Variants in TMEM117 observed in about 807,000 individuals in gnomAD.
The protein encoded by TMEM117 is transmembrane protein 117.
A neutral mutation model predicts 52.4 loss-of-function variants in TMEM117; 27 were observed. The observed-to-expected ratio is 0.51, with a 90% CI of 0.38 to 0.71. The LOEUF (loss-of-function observed/expected upper bound fraction) is 0.71, where lower values mean the gene tolerates loss of function less well. TMEM117 is among the 30% of genes least tolerant of loss of function. The pLI is 0.00. For missense variants in TMEM117, 556 were observed against 630.5 expected, an observed-to-expected ratio of 0.88 and a Z score of 1.26; for synonymous variants, 215 against 206.3, an observed-to-expected ratio of 1.04 and a Z score of -0.36.
chr12:44,355,576 A>G (rs1592714676), intron 6 of TMEM117, among the ~76,000 whole-genome samples: 2 of 152,044 alleles, frequency 1.3e-5, no homozygotes, highest in East Asian at 3.9e-4. Flanking sequence ...GACATAGAGA[A>G]GCTTGATATA....
At chr12:44,210,721 G>A (rs1013155036) in intron 4 of TMEM117, among the ~76,000 whole-genome samples, 3 of 152,076 alleles carry the variant, frequency 2.0e-5, no homozygotes, top group Admixed American at 6.6e-5. Context: ...CTTAGGCCTC[G>A]GAAGATGGGC....
At chr12:43,976,611 C>G (rs892474345) in intron 3 of TMEM117, among the ~76,000 whole-genome samples, 1 of 152,194 alleles carries the variant, frequency 6.6e-6, no homozygotes, top group African/African-American at 2.4e-5. Context: ...TGCCCTCACC[C>G]TTTGCCAGGG....
In TMEM117 at chr12:44,150,491, C is replaced by T. The variant is rs1359429524; in HGVS notation, c.510+6867C>T. On this transcript the variant is annotated intron_variant, in intron 4 of 7. Coordinates refer to ENST00000266534, the MANE Select transcript of TMEM117 (RefSeq NM_032256.3). Reference sequence around the variant, plus strand: ...TCGCACAGACAAAACCCAAGGACGGCAGATTTAGTGGCACCCACACTTGCC... The same window carrying T: ...TCGCACAGACAAAACCCAAGGACGGTAGATTTAGTGGCACCCACACTTGCC... Among the ~76,000 whole-genome samples, 4 of 152,044 alleles carry T rather than the reference C, an allele frequency of 2.6e-5. No individual in the cohort carries two copies. The East Asian group carries it at 5.8e-4, about 22-fold the overall frequency.
At chr12:44,376,813 G>A (rs1044852856) in intron 7 of TMEM117, 89 bp downstream of exon 7, 11 of 1,359,164 alleles carry the variant, frequency 8.1e-6, no homozygotes, top group Non-Finnish European at 1.1e-5. Context: ...CATAATATTT[G>A]AGAGGCATAA....
the TMEM117 span, chr12:43,806,524 G>A: frequency 2.0e-6 from 1 of 509,314 alleles, no homozygotes. Flanking sequence ...GCTTCTTCCG[G>A]GGGGGACATG....
chr12:44,211,432 C>G (rs879355853), intron 5 of TMEM117, 45 bp downstream of exon 5: 5 of 1,361,740 alleles, frequency 3.7e-6, no homozygotes, highest in Non-Finnish European at 1.0e-6. Flanking sequence ...GCCTCATTCA[C>G]TGAAGGACTT....
chr12:43,803,707 T>C, the TMEM117 span, among the ~76,000 whole-genome samples: 2 of 152,104 alleles, frequency 1.3e-5, no homozygotes, highest in Non-Finnish European at 2.9e-5. Context: ...TATATTCCTA[T>C]TGAATGTTGT....
At chr12:44,039,447 C>T (rs1367634454) in intron 3 of TMEM117, among the ~76,000 whole-genome samples, 4 of 150,860 alleles carry the variant, frequency 2.7e-5, no homozygotes, top group African/African-American at 2.4e-5. Context: ...CAACTTTGCT[C>T]TTCAGAAACT....
chr12:43,974,665 A>G (rs1443659313), intron 3 of TMEM117, among the ~76,000 whole-genome samples: 2 of 152,022 alleles, frequency 1.3e-5, no homozygotes, highest in African/African-American at 2.4e-5. Context: ...ATCTCAACTT[A>G]CCTTGTTCCA....
chr12:44,179,556 A>T (rs1477365759), intron 4 of TMEM117, among the ~76,000 whole-genome samples: 2 of 152,254 alleles, frequency 1.3e-5, no homozygotes, highest in Non-Finnish European at 2.9e-5. Context: ...AAGACTCAGC[A>T]GCAAGCTGCT....
chr12:44,241,488 G>C (rs920219836), intron 5 of TMEM117, among the ~76,000 whole-genome samples: 1 of 151,684 alleles, frequency 6.6e-6, no homozygotes, highest in Non-Finnish European at 1.5e-5. Context: ...ACAATTTTTT[G>C]CCACGCAGAA....
intron 3 of TMEM117, among the ~76,000 whole-genome samples, chr12:43,975,736 A>C (rs904863929): frequency 6.6e-6 from 1 of 152,212 alleles, no homozygotes; most frequent in African/African-American, 2.4e-5. Context: ...TATTCACCAA[A>C]CATTAGCAGA....
the TMEM117 span, chr12:43,806,422 T>G: frequency 8.8e-7 from 1 of 1,135,832 alleles, no homozygotes; most frequent in Non-Finnish European, 1.1e-6. Context: ...CCCGCCGCCC[T>G]TCCTGGCCGC....
At chr12:44,309,727 G>GA (rs1390282518) in intron 6 of TMEM117, among the ~76,000 whole-genome samples, 1 of 149,588 alleles carries the variant, frequency 6.7e-6, no homozygotes, top group Non-Finnish European at 1.5e-5. Context: ...AAGAAAATGG[G>GA]AATTTCCTAA....
intron 3 of TMEM117, among the ~76,000 whole-genome samples, chr12:44,040,981 T>G (rs1946788267): frequency 6.6e-6 from 1 of 152,046 alleles, no homozygotes; most frequent in Non-Finnish European, 1.5e-5. Flanking sequence ...CAGAAGTAAA[T>G]GGCAATGAAA....
intron 4 of TMEM117, among the ~76,000 whole-genome samples, chr12:44,188,272 T>C (rs982675047): frequency 6.6e-6 from 1 of 152,198 alleles, no homozygotes; most frequent in Admixed American, 6.6e-5. Context: ...TGATTTCAGC[T>C]TTGCCTTTCT....
In TMEM117 at chr12:43,886,909, G is replaced by A. The variant is rs573856367; in HGVS notation, c.277+41981G>A. Among the ~76,000 whole-genome samples the A allele has an allele frequency of 4.6e-5, 7 of 152,186 alleles. 1 individual carries two copies. Among genetic ancestry groups the A allele is most frequent in the African/African-American group, 9.6e-5 (4 of 41,508 alleles). On this transcript the variant is annotated intron_variant, in intron 2 of 7. Transcript: ENST00000266534. ...CTTGTCTAGACTGGTGTGCTGTGGC[G>A]TGATCTCGGTTCACTGCAACTTCTG...
At chr12:44,137,547 T>C (rs1948509028) in intron 3 of TMEM117, among the ~76,000 whole-genome samples, 1 of 152,080 alleles carries the variant, frequency 6.6e-6, no homozygotes, top group Non-Finnish European at 1.5e-5. Context: ...AAGACATACC[T>C]GATACTGGGA....
intron 2 of TMEM117, among the ~76,000 whole-genome samples, chr12:43,935,797 CAAAG>C (rs937199763): frequency 6.6e-6 from 1 of 152,158 alleles, no homozygotes; most frequent in Non-Finnish European, 1.5e-5. Flanking sequence ...AAAATATTAA[CAAAG>C]AAGACAACTT....
Sources: allele counts gnomAD v4.1 joint callset (sites outside exome capture counted in the v4.1 genomes callset), GRCh38; gene constraint gnomAD v4.1.1; transcripts MANE v1.5; gene names NCBI Gene and HGNC (gene_info 2026-07-23, HGNC 2026-07-21).